PUS10: variants seen among roughly 807,000 people sequenced by gnomAD.
PUS10 encodes the protein tRNA pseudouridine synthase Pus10.
In PUS10, 59 loss-of-function variants were observed where a neutral mutation model predicts 75.0. That is an observed-to-expected ratio of 0.79 (90% CI 0.64 to 0.98). The LOEUF is 0.98. Ranked by LOEUF, PUS10 falls within the 50% of genes least tolerant of loss-of-function variation. The probability of loss-of-function intolerance (pLI) is 0.00; values close to 1 mark genes in which losing one functional copy is unlikely to be tolerated. For missense variants in PUS10, 650 were observed against 614.4 expected, an observed-to-expected ratio of 1.06 and a Z score of -0.61; for synonymous variants, 219 against 211.6, an observed-to-expected ratio of 1.03 and a Z score of -0.30.
At chr2:60,965,018 A>G in intron 8 of PUS10, 40 bp downstream of exon 8, 1 of 1,594,656 alleles carries the variant, frequency 6.3e-7, no homozygotes, top group Non-Finnish European at 8.6e-7. Flanking sequence ...CAGCTCAGAC[A>G]AAACTCACTC....
chr2:61,010,931 T>A, intron 2 of PUS10: 2 of 1,538,722 alleles, frequency 1.3e-6, no homozygotes, highest in Non-Finnish European at 1.8e-6. Flanking sequence ...CCTAATCAGT[T>A]ATTATGAGAA....
chr2:60,948,780 A>T (rs532657377), intron 15 of PUS10, among the ~76,000 whole-genome samples: 1 of 152,282 alleles, frequency 6.6e-6, no homozygotes, highest in Admixed American at 6.5e-5. Flanking sequence ...TTTTTTAGGG[A>T]CACAGGCTTG....
intron 6 of PUS10, chr2:60,966,588 A>T (rs553366524): frequency 1.0e-4 from 16 of 152,408 alleles, no homozygotes; most frequent in African/African-American, 3.9e-4. Context: ...GTGCTTCAAA[A>T]CTGAAATTTG....
intron 11 of PUS10, among the ~76,000 whole-genome samples, chr2:60,959,229 T>G (rs570942653): frequency 3.9e-5 from 6 of 152,254 alleles, no homozygotes; most frequent in Admixed American, 3.9e-4. Context: ...TGCCAGTGAT[T>G]ACTCTTGAAG....
intron 14 of PUS10, among the ~76,000 whole-genome samples, 177 bp from the exon 15 acceptor site, chr2:60,953,291 A>G (rs1675458779): frequency 1.3e-5 from 2 of 152,218 alleles, no homozygotes; most frequent in African/African-American, 4.8e-5. Flanking sequence ...ATCTAGTTTT[A>G]GAATACTTTC....
At chr2:61,007,738 C>T (rs1679319110) in intron 3 of PUS10, among the ~76,000 whole-genome samples, 1 of 141,384 alleles carries the variant, frequency 7.1e-6, no homozygotes, top group African/African-American at 2.7e-5. Context: ...CACTGCACTC[C>T]AGCCTGGGTG....
At chr2:60,974,275 G>A (rs1266495972) in intron 4 of PUS10, among the ~76,000 whole-genome samples, 1 of 145,222 alleles carries the variant, frequency 6.9e-6, no homozygotes. Flanking sequence ...GAGTGCAGTG[G>A]TGCGATACCA....
At chr2:61,013,850 C>G (rs929825548) in intron 1 of PUS10, among the ~76,000 whole-genome samples, 1 of 151,870 alleles carries the variant, frequency 6.6e-6, no homozygotes, top group African/African-American at 2.4e-5. Flanking sequence ...CATGGTGAAA[C>G]CTTGTCTCTA....
intron 4 of PUS10, among the ~76,000 whole-genome samples, chr2:60,986,805 G>A (rs879463498): frequency 3.9e-5 from 6 of 152,160 alleles, no homozygotes; most frequent in Non-Finnish European, 7.4e-5. Context: ...CAAGGGATTC[G>A]GAGACAGAAA....
intron 16 of PUS10, among the ~76,000 whole-genome samples, chr2:60,947,679 A>C (rs112660847): frequency 1.2e-3 from 176 of 152,108 alleles, no homozygotes; most frequent in African/African-American, 4.1e-3. Context: ...AATACAAAAA[A>C]TTAGTCAGGC....
chr2:60,978,501 G>C (rs1180851109), intron 4 of PUS10, among the ~76,000 whole-genome samples: 1 of 151,736 alleles, frequency 6.6e-6, no homozygotes, highest in African/African-American at 2.4e-5. Flanking sequence ...ACCCAAAGGT[G>C]CAAATGCCAG....
chr2:61,004,887 T>C (rs981449420), intron 4 of PUS10, among the ~76,000 whole-genome samples: 5 of 152,188 alleles, frequency 3.3e-5, no homozygotes, highest in African/African-American at 1.2e-4. Flanking sequence ...AGTCACATAT[T>C]TCTGCTAAAT....
intron 4 of PUS10, among the ~76,000 whole-genome samples, chr2:60,978,274 T>A (rs1331909205): frequency 6.6e-6 from 1 of 151,664 alleles, no homozygotes; most frequent in East Asian, 1.9e-4. Context: ...ATACAAAAAT[T>A]AGCCGGGTGT....
chr2:60,965,655 A>T (rs1283813266), intron 6 of PUS10, 171 bp from the exon 7 acceptor site: 4 of 490,800 alleles, frequency 8.1e-6, no homozygotes, highest in Non-Finnish European at 1.4e-5. Flanking sequence ...CTGTAAAGGA[A>T]ATAGTTTTGT....
intron 15 of PUS10, among the ~76,000 whole-genome samples, chr2:60,951,853 T>C (rs765811384): frequency 5.5e-4 from 84 of 152,236 alleles, no homozygotes; most frequent in Non-Finnish European, 9.0e-4. Flanking sequence ...CCTGTGTCAA[T>C]AAATATTTAT....
intron 2 of PUS10, chr2:61,009,961 C>G (rs1330898150): frequency 6.6e-6 from 1 of 152,072 alleles, no homozygotes; most frequent in Non-Finnish European, 1.5e-5. Context: ...TTTGTTGTTA[C>G]CTAAGATCTA....
intron 2 of PUS10, among the ~76,000 whole-genome samples, 153 bp from the exon 3 acceptor site, chr2:61,009,168 G>A (rs941743856): frequency 6.6e-5 from 10 of 152,152 alleles, no homozygotes; most frequent in African/African-American, 2.4e-4. Context: ...CCAGTTATTA[G>A]CCAGCATTGG....
At chr2:60,976,495 T>C (rs1237176116) in intron 4 of PUS10, among the ~76,000 whole-genome samples, 1 of 152,256 alleles carries the variant, frequency 6.6e-6, no homozygotes, top group Admixed American at 6.5e-5. Context: ...TGTCATCAAG[T>C]CTGCAATGTA....
chr2:60,984,052 T>A (rs1452028841), intron 4 of PUS10, among the ~76,000 whole-genome samples: 2 of 151,848 alleles, frequency 1.3e-5, no homozygotes, highest in Non-Finnish European at 2.9e-5. Flanking sequence ...TAGGAATAAA[T>A]AAATGTGTGA....
Sources: allele counts gnomAD v4.1 joint callset (sites outside exome capture counted in the v4.1 genomes callset), GRCh38; gene constraint gnomAD v4.1.1; transcripts MANE v1.5; gene names NCBI Gene and HGNC (gene_info 2026-07-23, HGNC 2026-07-21).